The following DAPK2 variants were observed in gnomAD, a reference collection of about 807,000 sequenced individuals.
DAPK2 encodes death-associated protein kinase 2.
DAPK2 carries 35 observed loss-of-function variants against 44.1 expected under a neutral mutation model. The ratio of observed to expected loss-of-function variants is 0.79; its 90% CI spans 0.61 to 1.05. The LOEUF (loss-of-function observed/expected upper bound fraction) is 1.05. Ranked by LOEUF, DAPK2 falls within the 50% of genes least tolerant of loss-of-function variation. The pLI is 0.00. For synonymous variants in DAPK2, 174 were observed against 182.6 expected (o/e 0.95, Z 0.38); for missense variants, 453 against 483.2 (o/e 0.94, Z 0.59).
chr15:64,000,371 C>T (rs894496616), intron 1 of DAPK2, among the ~76,000 whole-genome samples: 40 of 152,294 alleles, frequency 2.6e-4, no homozygotes, highest in African/African-American at 8.9e-4. Flanking sequence ...ACCAAGCATA[C>T]CTGGACTTTG....
chr15:64,004,797 C>A (rs921205982), intron 1 of DAPK2, among the ~76,000 whole-genome samples: 3 of 152,168 alleles, frequency 2.0e-5, no homozygotes, highest in African/African-American at 7.2e-5. Flanking sequence ...AGGACACAAC[C>A]CAATGATCCT....
At chr15:64,040,621 A>T (rs957996699), upstream of DAPK2, among the ~76,000 whole-genome samples, 5 of 151,988 alleles carry the variant, frequency 3.3e-5, no homozygotes, top group African/African-American at 7.3e-5. Context: ...ACAGTTTTTA[A>T]AAAAAAATGG....
At chr15:63,922,217 G>T in intron 8 of DAPK2, 1 of 916,272 alleles carries the variant, frequency 1.1e-6, no homozygotes, top group Non-Finnish European at 1.3e-6. Flanking sequence ...TCATTTGTCA[G>T]ACATGAGTGC....
chr15:64,035,735 CT>C (rs2080161844), intron 1 of DAPK2, among the ~76,000 whole-genome samples: 1 of 152,238 alleles, frequency 6.6e-6, no homozygotes, highest in African/African-American at 2.4e-5. Context: ...TCTCCAAACA[CT>C]CCTAGAAACA....
chr15:64,005,586 T>G (rs2079204735), intron 1 of DAPK2, among the ~76,000 whole-genome samples: 1 of 152,016 alleles, frequency 6.6e-6, no homozygotes, highest in South Asian at 2.1e-4. Context: ...GAGTCCCTCA[T>G]GCCTAAGGCC....
intron 1 of DAPK2, among the ~76,000 whole-genome samples, chr15:64,031,158 T>C (rs1159376838): frequency 6.6e-6 from 1 of 152,040 alleles, no homozygotes; most frequent in Non-Finnish European, 1.5e-5. Context: ...ACCTGGGAAA[T>C]GGGAATGTGA....
intron 1 of DAPK2, among the ~76,000 whole-genome samples, chr15:64,014,307 T>G (rs551132387): frequency 1.0e-3 from 156 of 152,374 alleles, no homozygotes; most frequent in African/African-American, 3.6e-3. Context: ...TTATCAGACA[T>G]GAGCCTTCAG....
Position 63,983,756 on chromosome 15 carries a change from T to C in DAPK2, c.93-2A>G. The C allele has an allele frequency of 6.2e-7, 1 of 1,610,044 alleles. No individual in the cohort carries two copies. The highest frequency in any genetic ancestry group is 8.5e-7 in the Non-Finnish European group (1 of 1,179,846). Reference sequence around the variant, plus strand: ...TTCTTCACGATGGCAAACTGGCCACTGTGGGGACACAGACCCACAAGATTA... The same window carrying C: ...TTCTTCACGATGGCAAACTGGCCACCGTGGGGACACAGACCCACAAGATTA... On this transcript the variant is annotated splice_acceptor_variant, in intron 1 of 10. Coordinates refer to ENST00000261891, the Ensembl canonical transcript of DAPK2. LOFTEE classifies it high-confidence loss of function.
At chr15:64,038,109 G>A (rs2080257932) in intron 1 of DAPK2, among the ~76,000 whole-genome samples, 1 of 152,170 alleles carries the variant, frequency 6.6e-6, no homozygotes, top group African/African-American at 2.4e-5. Context: ...GCAATCCCCA[G>A]GAAACTGCTT....
chr15:63,934,122 GTGGATA>G (rs1308713441), intron 4 of DAPK2, among the ~76,000 whole-genome samples: 1 of 151,362 alleles, frequency 6.6e-6, no homozygotes, highest in Non-Finnish European at 1.5e-5. Context: ...AGACATAACT[GTGGATA>G]TCTAACAAAT....
intron 4 of DAPK2, among the ~76,000 whole-genome samples, chr15:63,938,330 G>A (rs1205979422): frequency 6.6e-6 from 1 of 152,132 alleles, no homozygotes; most frequent in South Asian, 2.1e-4. Context: ...AGCCATTTGG[G>A]GATAATTAAG....
intron 3 of DAPK2, among the ~76,000 whole-genome samples, chr15:63,954,910 A>T (rs565216937): frequency 2.6e-3 from 402 of 152,190 alleles, no homozygotes; most frequent in African/African-American, 8.8e-3. Context: ...GTTTCTTTTT[A>T]GCTATTGTAA....
At chr15:64,007,789 A>G (rs1389605528) in intron 1 of DAPK2, among the ~76,000 whole-genome samples, 1 of 152,256 alleles carries the variant, frequency 6.6e-6, no homozygotes, top group East Asian at 1.9e-4. Flanking sequence ...CATCTAGTGA[A>G]TAGATGAACA....
At position 63,911,905 on chromosome 15, in the gene DAPK2, C is replaced by T; in HGVS notation, c.1032+3G>A. On this transcript the variant is annotated splice_donor_region_variant and intron_variant, in intron 10 of 10. Coordinates refer to ENST00000261891, the Ensembl canonical transcript of DAPK2. ...CCCAAGAAGAGGGCATGCATTTACCCACCAGGTCCTCATCCGGCCTCAGGT... is the reference window on the plus strand; with the variant it reads ...CCCAAGAAGAGGGCATGCATTTACCTACCAGGTCCTCATCCGGCCTCAGGT... 6.2e-7 allele frequency: 1 copy of T among 1,613,080 alleles called. No homozygotes were observed.
chr15:64,025,561 A>G (rs892913366), intron 1 of DAPK2, among the ~76,000 whole-genome samples: 1 of 152,256 alleles, frequency 6.6e-6, no homozygotes, highest in East Asian at 1.9e-4. Flanking sequence ...CCCCAATTCC[A>G]TCATAAATTA....
At chr15:63,934,516 C>T (rs1360696002) in intron 4 of DAPK2, among the ~76,000 whole-genome samples, 2 of 152,042 alleles carry the variant, frequency 1.3e-5, no homozygotes, top group African/African-American at 2.4e-5. Flanking sequence ...CTTGGCCTCC[C>T]AAAGTGCTGA....
chr15:63,946,169 G>A (rs1353147993), intron 3 of DAPK2, among the ~76,000 whole-genome samples: 1 of 152,230 alleles, frequency 6.6e-6, no homozygotes, highest in Non-Finnish European at 1.5e-5. Flanking sequence ...ATCCCGCCAG[G>A]GAGGCACCCA....
At chr15:64,019,371 TA>T (rs2079620140) in intron 1 of DAPK2, among the ~76,000 whole-genome samples, 1 of 152,254 alleles carries the variant, frequency 6.6e-6, no homozygotes, top group Admixed American at 6.5e-5. Flanking sequence ...GATCAGGATT[TA>T]TTCGGAAGAG....
intron 8 of DAPK2, chr15:63,921,960 T>C (rs2079084784): frequency 6.6e-6 from 1 of 152,160 alleles, no homozygotes. Context: ...ATACATGAAG[T>C]TGCTTACTTT....
Sources: allele counts gnomAD v4.1 joint callset (sites outside exome capture counted in the v4.1 genomes callset), GRCh38; gene constraint gnomAD v4.1.1; transcripts MANE v1.5; gene names NCBI Gene and HGNC (gene_info 2026-07-23, HGNC 2026-07-21).